The following AQP5 variants were observed in gnomAD, a reference collection of about 807,000 sequenced individuals.
AQP5 encodes aquaporin-5.
Under a neutral mutation model 19.1 loss-of-function variants are expected in AQP5, and 15 were observed. The ratio of observed to expected loss-of-function variants is 0.79; its 90% confidence interval spans 0.53 to 1.21. The LOEUF is 1.21. Among genes scored for constraint, AQP5 ranks in the 50% most tolerant of loss-of-function variants. The pLI, the probability that AQP5 is intolerant of heterozygous loss-of-function variation, is 0.00. For missense variants in AQP5, 355 were observed against 357.1 expected (o/e 0.99, Z 0.05); for synonymous variants, 182 against 160.3 (o/e 1.14, Z -1.02).
In AQP5 at chr12:49,965,607, T is replaced by C. The variant is rs1422995302; in HGVS notation, c.*430T>C. 1 of 156,560 alleles carries C rather than the reference T, an allele frequency of 6.4e-6. No individual in the cohort carries two copies. Among genetic ancestry groups the C allele is most frequent in the Non-Finnish European group, 1.4e-5 (1 of 70,994 alleles). The allele number at this position is 156,560 out of a possible 1,614,324, so 9.7% of individuals were successfully genotyped here. A position where few individuals can be genotyped will look rare whatever the true frequency, so the allele number is the denominator to read the frequency against. On this transcript the variant is annotated 3_prime_UTR_variant, in exon 4 of 4. Transcript: ENST00000293599. ...CTGGTTCATTGAATGCCGCCTTATT[T>C]ATTTCTGGTGAGGATGCATGCGTGG...
chr12:49,962,291 G>T lies in AQP5; in HGVS notation c.274G>T (p.Ala92Ser), dbSNP rs925731999. Residue 92 changes from alanine to serine, a missense_variant, in exon 1 of 4, where the codon GCG becomes TCG. Transcript: ENST00000293599. ...GCTGCTCCGGGCTTTCTTCTACGTG[G>T]CGGCCCAGCTGGTGGGCGCCATTGC... ...ISLLRAFFYVAAQLVGAIAGA... is the reference protein window; with the variant it reads ...ISLLRAFFYVSAQLVGAIAGA... 6.2e-7 allele frequency: 1 copy of T among 1,607,670 alleles called. No homozygotes were observed.
chr12:49,964,447 C>T (rs902531062), intron 3 of AQP5, among the ~76,000 whole-genome samples: 4 of 152,062 alleles, frequency 2.6e-5, no homozygotes, highest in African/African-American at 9.7e-5. Context: ...TGCAGAGGGG[C>T]TCTGTGTCAA....
In AQP5 at chr12:49,963,477, G is replaced by A. The variant is rs143028034; in HGVS notation, c.364-15G>A. The A allele has an allele frequency of 1.2e-5, 19 of 1,612,998 alleles. No homozygotes were observed. The Middle Eastern group carries it at 1.2e-3, about 98-fold the overall frequency. On this transcript the variant is annotated splice_polypyrimidine_tract_variant and intron_variant, in intron 1 of 3. Coordinates refer to ENST00000293599, the MANE Select transcript of AQP5 (RefSeq NM_001651.4). Reference sequence around the variant, plus strand: ...CAGAAGGTGGCCGGGGTCCTAACCCGCTATCCCCTTGCAGCTCAACAACAA... The same window carrying A: ...CAGAAGGTGGCCGGGGTCCTAACCCACTATCCCCTTGCAGCTCAACAACAA...
rs1376409682 is a variant in AQP5, at chr12:49,964,931, G to A, written c.613-61G>A. The A allele has an allele frequency of 3.8e-6, 6 of 1,561,448 alleles. No individual in the cohort carries two copies. In the Admixed American group the frequency reaches 5.6e-5, roughly 14 times the overall value. On this transcript the variant is annotated intron_variant, in intron 3 of 3. Transcript: ENST00000293599. ...CGTGGGTCTGTCCTCTGTGGGGTGGGGGGCATGTGGTCTTCAAGGTCTGGG... is the reference window on the plus strand; with the variant it reads ...CGTGGGTCTGTCCTCTGTGGGGTGGAGGGCATGTGGTCTTCAAGGTCTGGG...
Position 49,961,980 on chromosome 12 carries a change from C to G in AQP5, c.-38C>G. 1 of 1,314,346 alleles carries G rather than the reference C, an allele frequency of 7.6e-7. No individual in the cohort carries two copies. The allele number at this position is 1,314,346 out of a possible 1,614,324, so 81.4% of individuals were successfully genotyped here. ...GCCGCCTGCGACCCAACGGGCGCCC[C>G]CCGCCGCGGCAGCTGCCGCCGGGCC... On this transcript the variant is annotated 5_prime_UTR_variant, in exon 1 of 4. Transcript: ENST00000293599.
chr12:49,962,551 G>A, intron 1 of AQP5, 171 bp downstream of exon 1: 2 of 833,354 alleles, frequency 2.4e-6, no homozygotes, highest in Non-Finnish European at 3.4e-6. Flanking sequence ...GCTGATATGT[G>A]CTCCCTTCCT....
chr12:49,964,580 C>T, intron 3 of AQP5: 1 of 917,704 alleles, frequency 1.1e-6, no homozygotes, highest in Non-Finnish European at 1.3e-6. Context: ...TCCCTGTGGA[C>T]AGTCTGTCTG....
intron 2 of AQP5, 66 bp from the exon 3 acceptor site, chr12:49,964,026 G>A (rs1850676165): frequency 1.3e-6 from 2 of 1,483,048 alleles, no homozygotes; most frequent in South Asian, 2.3e-5. Context: ...AACCTTGAGA[G>A]AGTCCAGATT....
intron 3 of AQP5, 121 bp from the exon 4 acceptor site, chr12:49,964,871 T>G (rs1947472384): frequency 6.7e-7 from 1 of 1,485,870 alleles, no homozygotes; most frequent in African/African-American, 1.4e-5. Flanking sequence ...TCCCTGAAGG[T>G]CTGGAAGTCT....
chr12:49,962,595 C>A, intron 1 of AQP5: 1 of 572,562 alleles, frequency 1.7e-6, no homozygotes, highest in Non-Finnish European at 2.7e-6. Flanking sequence ...TCATGCTGGC[C>A]CACCCTGGTC....
chr12:49,964,247 A>C, intron 3 of AQP5, 72 bp downstream of exon 3: 7 of 1,492,622 alleles, frequency 4.7e-6, no homozygotes, highest in South Asian at 1.1e-5. Flanking sequence ...CTCAGAGCTC[A>C]CCAGACCTGG....
Position 49,964,644 on chromosome 12 carries a change from C to T in AQP5, c.613-348C>T, listed in dbSNP as rs572132489. On this transcript the variant is annotated intron_variant, in intron 3 of 3. Transcript: ENST00000293599. ...TCTCCAGGGTCTGCTTCTATCCCTG[C>T]GTGGAGGGGACACGCGCTCTGTTCA... is the stretch of plus-strand genomic sequence containing the variant. 90 of 985,276 alleles carry T rather than the reference C, an allele frequency of 9.1e-5. No individual in the cohort carries two copies. The African/African-American group carries it at 9.3e-4, about 10-fold the overall frequency. The allele number at this position is 985,276 out of a possible 1,614,324, so 61.0% of individuals were successfully genotyped here. A position where few individuals can be genotyped will look rare whatever the true frequency, so the allele number is the denominator to read the frequency against.
chr12:49,963,871 G>A (rs527774946), intron 2 of AQP5: 1 of 810,132 alleles, frequency 1.2e-6, no homozygotes, highest in Non-Finnish European at 1.9e-6. Context: ...GAGGTGGGAT[G>A]GGACAGGAAT....
chr12:49,964,008 T>C, intron 2 of AQP5, 84 bp from the exon 3 acceptor site: 2 of 1,360,040 alleles, frequency 1.5e-6, no homozygotes, highest in Non-Finnish European at 2.1e-6. Flanking sequence ...GCCCCTGGAC[T>C]GCAGTGTAAC....
rs757051423 is a variant in AQP5 at position 49,965,121 on chromosome 12, G to A, written c.742G>A (p.Asp248Asn). 77 of 1,613,876 alleles carry A rather than the reference G, an allele frequency of 4.8e-5. 2 individuals are homozygous for A. Among genetic ancestry groups the A allele is most frequent in the Middle Eastern group, 3.3e-4 (2 of 6,084 alleles). Residue 248 changes from aspartate to asparagine, a missense_variant, in exon 4 of 4, where the codon GAC becomes AAC. By Grantham distance (23) the Asp-to-Asn change is conservative (BLOSUM62 1). Coordinates refer to ENST00000293599, the MANE Select transcript of AQP5 (RefSeq NM_001651.4). ...CAAAGGCACGTATGAGCCTGACGAGGACTGGGAGGAGCAGCGGGAAGAGCG... is the reference window on the plus strand; with the variant it reads ...CAAAGGCACGTATGAGCCTGACGAGAACTGGGAGGAGCAGCGGGAAGAGCG... ...IIKGTYEPDE[D>N]WEEQREERKK... is the part of the protein sequence containing the mutation.
chr12:49,963,621 A>G lies in AQP5; in HGVS notation c.493A>G (p.Ile165Val), dbSNP rs777174489. The G allele has an allele frequency of 1.2e-6, 2 of 1,613,632 alleles. No homozygotes were observed. The highest frequency in any genetic ancestry group is 1.7e-5 in the Admixed American group (1 of 60,008). ...TSPVGSPALSIGLSVTLGHLV... is the reference protein window; with the variant it reads ...TSPVGSPALSVGLSVTLGHLV... ...CCCTGTGGGCTCCCCAGCCCTGTCC[A>G]TTGGCCTGTCTGTCACCCTGGGCCA... The change falls in exon 2 of 4, where the codon ATT (isoleucine) becomes GTT (valine). Residue 165 changes from isoleucine to valine, a missense_variant. Physicochemically the swap from Ile to Val is conservative, Grantham distance 29. Transcript: ENST00000293599.
chr12:49,964,261 C>A, intron 3 of AQP5, 86 bp downstream of exon 3: 1 of 1,423,642 alleles, frequency 7.0e-7, no homozygotes, highest in Non-Finnish European at 9.9e-7. Flanking sequence ...GACCTGGATT[C>A]TGTGGGTCTA....
intron 3 of AQP5, 67 bp from the exon 4 acceptor site, chr12:49,964,925 G>A (rs1592823140): frequency 1.3e-6 from 2 of 1,557,140 alleles, no homozygotes; most frequent in Non-Finnish European, 1.7e-6. Flanking sequence ...GTCCTCTGTG[G>A]GGTGGGGGGC....
At chr12:49,964,012 G>C in intron 2 of AQP5, 80 bp from the exon 3 acceptor site, 2 of 1,412,060 alleles carry the variant, frequency 1.4e-6, no homozygotes, top group Non-Finnish European at 2.0e-6. Flanking sequence ...CTGGACTGCA[G>C]TGTAACCTTG....
Sources: gnomAD v4.1 joint callset for allele counts (sites outside exome capture counted in the v4.1 genomes callset) on GRCh38, gnomAD v4.1.1 for gene constraint, MANE v1.5 for transcripts, NCBI Gene and HGNC (gene_info 2026-07-23, HGNC 2026-07-21) for gene names.